Variants in RIF1 observed in about 807,000 individuals in gnomAD.
The protein encoded by RIF1 is telomere-associated protein RIF1.
RIF1 carries 45 observed loss-of-function variants against 247.1 expected under a neutral mutation model. The ratio of observed to expected loss-of-function variants is 0.18; its 90% confidence interval spans 0.14 to 0.23. The LOEUF is 0.23. Ranked by LOEUF, RIF1 falls within the 10% of genes least tolerant of loss-of-function variation. The pLI is 1.00. For missense variants in RIF1, 2,967 were observed against 2,862.5 expected, an observed-to-expected ratio of 1.04 and a Z score of -0.83; for synonymous variants, 1,087 against 978.8, an observed-to-expected ratio of 1.11 and a Z score of -2.06.
chr2:151,448,089 G>A (rs1406078909), intron 20 of RIF1, among the ~76,000 whole-genome samples: 5 of 151,238 alleles, frequency 3.3e-5, no homozygotes, highest in Non-Finnish European at 7.4e-5. Context: ...ATTGTTGGAC[G>A]ACAACCCAGG....
chr2:151,470,974 T>A (rs1436977996), intron 34 of RIF1, among the ~76,000 whole-genome samples: 1 of 152,162 alleles, frequency 6.6e-6, no homozygotes, highest in East Asian at 1.9e-4. Flanking sequence ...GCAGTTAGTT[T>A]TTAATATATT....
In RIF1 at chr2:151,438,237, GGA is replaced by G. The variant is rs146583846; in HGVS notation, c.1484-443_1484-442del. Among the ~76,000 whole-genome samples the G allele has an allele frequency of 2.3e-3, 352 of 152,316 alleles. 9 individuals carry two copies. The East Asian group carries it at 0.046, about 20-fold the overall frequency. ...GCATGCCTGTAATCCTGGCAGTTTG[GGA>G]GAGGCTAAGGTGGGAGGTTCACTTG... On this transcript the variant is annotated intron_variant, in intron 13 of 35. Coordinates refer to ENST00000444746, the MANE Select transcript of RIF1 (RefSeq NM_018151.5).
chr2:151,456,022 CA>C (rs1310071893), intron 22 of RIF1, among the ~76,000 whole-genome samples: 1 of 151,720 alleles, frequency 6.6e-6, no homozygotes, highest in African/African-American at 2.4e-5. Context: ...AATTGGTCTC[CA>C]AAAAATTGAA....
chr2:151,514,963 A>G, the RIF1 span: 3 of 1,382,292 alleles, frequency 2.2e-6, no homozygotes, highest in Admixed American at 6.1e-5. Flanking sequence ...AAGTTAAAAA[A>G]AAATCTTTAT....
intron 34 of RIF1, among the ~76,000 whole-genome samples, chr2:151,470,138 A>T (rs956910552): frequency 6.6e-6 from 1 of 151,986 alleles, no homozygotes; most frequent in African/African-American, 2.4e-5. Context: ...ATCTACCAAA[A>T]CCATACAGAT....
At chr2:151,503,637 A>G (rs2066466658) in intron 12 of RIF1, among the ~76,000 whole-genome samples, 1 of 152,200 alleles carries the variant, frequency 6.6e-6, no homozygotes, top group Non-Finnish European at 1.5e-5. Context: ...TACTACTTTG[A>G]AAACTGGGCA....
At chr2:151,520,071 C>A in the RIF1 span, 1 of 202,310 alleles carries the variant, frequency 4.9e-6, no homozygotes, top group South Asian at 1.4e-4. Context: ...AGGCTTCAGG[C>A]TAAATTCAGA....
intron 6 of RIF1, 56 bp downstream of exon 6, chr2:151,416,957 G>A (rs1573861341): frequency 1.4e-6 from 2 of 1,385,680 alleles, no homozygotes; most frequent in East Asian, 4.6e-5. Context: ...TTTAGCTGAA[G>A]GAGAGGGTTT....
Position 151,454,959 on chromosome 2 carries a change from A to T in RIF1, c.2409A>T (p.Leu803Phe). The T allele has an allele frequency of 6.2e-7, 1 of 1,613,256 alleles. No individual in the cohort carries two copies. The highest frequency in any genetic ancestry group is 1.3e-5 in the African/African-American group (1 of 75,006). The change falls in exon 22 of 36, where the codon TTA (leucine) becomes TTT (phenylalanine). Residue 803 changes from leucine (L) to phenylalanine (F), a missense_variant. Around this residue, in one of 7 missense-constraint regions of RIF1, gnomAD observed 2,028 missense variants for 1,825.6 expected, o/e 1.11. Transcript: ENST00000444746. ...AGCCCCTAGGGAAATTGACTTCTTT[A>T]TTTAAACTTATTGTGAAAGTGATCT... is the stretch of plus-strand genomic sequence containing the variant. The part of the protein sequence containing the change: ...KNEPLGKLTS[L>F]FKLIVKVIYS...
chr2:151,486,146 G>A (rs534886159), downstream of RIF1: 52 of 521,884 alleles, frequency 1.0e-4, no homozygotes, highest in South Asian at 1.2e-3. Context: ...AACATATGAC[G>A]AACTCCTACA....
At chr2:151,491,688 A>G (rs778563012) in intron 9 of RIF1, 2 of 1,588,156 alleles carry the variant, frequency 1.3e-6, no homozygotes, top group Non-Finnish European at 1.7e-6. Flanking sequence ...CACACCATTA[A>G]TCATGTGTAA....
At chr2:151,513,519 T>C in the RIF1 span, 1 of 1,237,668 alleles carries the variant, frequency 8.1e-7, no homozygotes, top group Non-Finnish European at 1.2e-6. Flanking sequence ...AGAGGGACAC[T>C]TTATGTCCTT....
chr2:151,501,385 A>G (rs1457562935), intron 11 of RIF1: 1 of 1,536,846 alleles, frequency 6.5e-7, no homozygotes, highest in Non-Finnish European at 8.8e-7. Context: ...GCTTTCTCCC[A>G]AATACCGAGC....
Position 151,448,039 on chromosome 2 carries a change from C to CT in RIF1, c.2244+1475dup, listed in dbSNP as rs1248090579. Among the ~76,000 whole-genome samples the CT allele has an allele frequency of 1.4e-3, 203 of 146,596 alleles. 1 individual carries two copies. The highest frequency in any genetic ancestry group is 4.0e-3 in the African/African-American group (159 of 40,156). On this transcript the variant is annotated intron_variant, in intron 20 of 35. Transcript: ENST00000444746. Reference sequence around the variant, plus strand: ...ATAAAAGAAAGTAAAAATAACAGTTCTTTTTTTTTTTCTTGCCCCTGAGAC... The same window carrying CT: ...ATAAAAGAAAGTAAAAATAACAGTTCTTTTTTTTTTTTCTTGCCCCTGAGAC...
At chr2:151,455,197 A>T (rs1291450390) in intron 22 of RIF1, 38 bp downstream of exon 22, 14 of 1,475,134 alleles carry the variant, frequency 9.5e-6, no homozygotes, top group Non-Finnish European at 1.3e-5. Flanking sequence ...AATTAAATGT[A>T]TACAATTTAA....
chr2:151,432,156 C>T (rs116580062), intron 9 of RIF1, among the ~76,000 whole-genome samples: 4,534 of 152,152 alleles, frequency 0.03, 121 homozygotes, highest in East Asian at 0.14. Context: ...TTACAGGAGC[C>T]ACCGCCATGC....
downstream of RIF1, chr2:151,486,154 A>G (rs1313507235): frequency 4.0e-6 from 2 of 495,910 alleles, no homozygotes; most frequent in Non-Finnish European, 7.2e-6. Flanking sequence ...ACGAACTCCT[A>G]CAACTCAATG....
chr2:151,473,952 A>C lies in RIF1; in HGVS notation c.7096-12A>C, dbSNP rs1424635456. On this transcript the variant is annotated splice_polypyrimidine_tract_variant and intron_variant, in intron 34 of 35. Transcript: ENST00000444746. ...TTGTTTTGCGTTTTTTTCTGCTCCA[A>C]CTGTAATCAAGGTGAAGACTCGTGG... 2.8e-6 allele frequency: 4 copies of C among 1,442,050 alleles called. No individual in the cohort carries two copies. In the African/African-American group the frequency reaches 4.2e-5, roughly 15 times the overall value. The allele number at this position is 1,442,050 out of a possible 1,614,324, so 89.3% of individuals were successfully genotyped here.
intron 9 of RIF1, chr2:151,491,873 C>CA: frequency 9.4e-7 from 1 of 1,068,730 alleles, no homozygotes; most frequent in Non-Finnish European, 1.4e-6. Flanking sequence ...AGGATTGAAT[C>CA]ACACTTATTC....
Sources: gnomAD v4.1 joint callset for allele counts (sites outside exome capture counted in the v4.1 genomes callset) on GRCh38, gnomAD v4.1.1 for gene constraint, gnomAD v4.1.1 regional missense constraint, MANE v1.5 for transcripts, NCBI Gene and HGNC (gene_info 2026-07-23, HGNC 2026-07-21) for gene names.